Variants in GARNL3 observed in about 807,000 individuals in gnomAD.
GARNL3 encodes GTPase-activating Rap/Ran-GAP domain-like protein 3.
Under a neutral mutation model 125.0 loss-of-function variants are expected in GARNL3, and 63 were observed. The observed-to-expected ratio is 0.50, with a 90% CI of 0.41 to 0.62. The LOEUF is 0.62. Among genes scored for constraint, GARNL3 ranks in the 20% least tolerant of loss-of-function variants. GARNL3 has a pLI of 0.00. For synonymous variants in GARNL3, 439 were observed against 457.5 expected, an observed-to-expected ratio of 0.96 and a Z score of 0.52; for missense variants, 994 against 1,244.0, an observed-to-expected ratio of 0.80 and a Z score of 3.02.
At chr9:127,289,602 C>A (rs2064354091) in intron 1 of GARNL3, among the ~76,000 whole-genome samples, 1 of 152,216 alleles carries the variant, frequency 6.6e-6, no homozygotes, top group Non-Finnish European at 1.5e-5. Context: ...TGGTTGACCA[C>A]CCACGTGGCT....
chr9:127,236,777 A>G (rs149237508), intron 1 of GARNL3, among the ~76,000 whole-genome samples: 85 of 152,300 alleles, frequency 5.6e-4, no homozygotes, highest in Non-Finnish European at 9.6e-4. Context: ...TTGAGCAGAA[A>G]TTCCTAGTGC....
At chr9:127,245,128 G>A (rs1408056604) in intron 2 of GARNL3, among the ~76,000 whole-genome samples, 4 of 152,222 alleles carry the variant, frequency 2.6e-5, no homozygotes, top group Non-Finnish European at 4.4e-5. Context: ...GACGCTCAGC[G>A]CTGGAGCTCC....
intron 7 of GARNL3, among the ~76,000 whole-genome samples, chr9:127,327,679 T>C (rs931477566): frequency 1.3e-5 from 2 of 152,184 alleles, no homozygotes; most frequent in Non-Finnish European, 2.9e-5. Context: ...AACTTCAGGC[T>C]CATACCACCA....
At chr9:127,340,773 G>T (rs549830045) in intron 13 of GARNL3, among the ~76,000 whole-genome samples, 18 of 151,784 alleles carry the variant, frequency 1.2e-4, no homozygotes, top group Non-Finnish European at 2.2e-4. Flanking sequence ...TCCAGTACTG[G>T]CCCAAGCCAG....
intron 14 of GARNL3, among the ~76,000 whole-genome samples, chr9:127,342,637 CT>C (rs2131611814): frequency 6.6e-6 from 1 of 152,124 alleles, no homozygotes; most frequent in Non-Finnish European, 1.5e-5. Flanking sequence ...TTGAAGAGTG[CT>C]TTTTTTGGGG....
intron 22 of GARNL3, among the ~76,000 whole-genome samples, chr9:127,378,513 G>T: frequency 6.7e-6 from 1 of 150,088 alleles, no homozygotes; most frequent in South Asian, 2.1e-4. Context: ...CTTGAACCCA[G>T]GAGGCGGAGG....
intron 2 of GARNL3, among the ~76,000 whole-genome samples, chr9:127,253,743 T>A (rs2063446914): frequency 6.6e-6 from 1 of 151,880 alleles, no homozygotes; most frequent in Admixed American, 6.6e-5. Context: ...TAAGAAAAGA[T>A]GAAGGGTGTA....
intron 1 of GARNL3, among the ~76,000 whole-genome samples, chr9:127,240,529 G>C (rs2131161401): frequency 6.6e-6 from 1 of 152,344 alleles, no homozygotes; most frequent in South Asian, 2.1e-4. Flanking sequence ...TGAGATGTCA[G>C]TTGCCTTGAG....
In GARNL3 at chr9:127,324,923, T is replaced by C. The variant is rs540721191; in HGVS notation, c.568-146T>C. The C allele has an allele frequency of 1.8e-5, 14 of 769,046 alleles. No homozygotes were observed. The Admixed American group carries it at 1.9e-4, about 10-fold the overall frequency. 47.6% of individuals were successfully genotyped at this position (769,046 alleles called of 1,614,324 possible). A position where few individuals can be genotyped will look rare whatever the true frequency, so the allele number is the denominator to read the frequency against. On this transcript the variant is annotated intron_variant, in intron 6 of 27. Transcript: ENST00000373387. ...CACCTTTGTCATAGTTGGGTTTTTT[T>C]CCCCCAAACAAAGCTCCTATAACCA... is the stretch of plus-strand genomic sequence containing the variant.
At chr9:127,260,158 G>A (rs1050483197), upstream of GARNL3, among the ~76,000 whole-genome samples, 13 of 152,206 alleles carry the variant, frequency 8.5e-5, no homozygotes, top group African/African-American at 2.2e-4. Context: ...ACTGAAGTGC[G>A]TGCTCTGAGG....
intron 2 of GARNL3, among the ~76,000 whole-genome samples, chr9:127,292,435 C>T (rs2064450929): frequency 6.6e-6 from 1 of 152,206 alleles, no homozygotes; most frequent in Admixed American, 6.5e-5. Flanking sequence ...GGAGCTAAGC[C>T]AGGCACAGAG....
chr9:127,336,385 TGTATA>T (rs1433474544), intron 11 of GARNL3, 149 bp downstream of exon 11: 39 of 564,846 alleles, frequency 6.9e-5, no homozygotes, highest in Non-Finnish European at 1.0e-4. Context: ...CTAAGCATTG[TGTATA>T]GTTCCCCCTT....
upstream of GARNL3, among the ~76,000 whole-genome samples, chr9:127,259,867 G>A (rs992104140): frequency 6.6e-6 from 1 of 151,572 alleles, no homozygotes; most frequent in Non-Finnish European, 1.5e-5. Flanking sequence ...AGACCCCCCC[G>A]CCCATCTCTA....
At chr9:127,333,619 G>C (rs768642796) in intron 9 of GARNL3, among the ~76,000 whole-genome samples, 9 of 152,092 alleles carry the variant, frequency 5.9e-5, no homozygotes, top group Admixed American at 1.3e-4. Flanking sequence ...CCAGAGGGAG[G>C]GGCGAGTCGG....
At chr9:127,264,757 A>T, upstream of GARNL3, 3 of 1,271,682 alleles carry the variant, frequency 2.4e-6, no homozygotes, top group African/African-American at 1.5e-5. Flanking sequence ...CTTTTTATTG[A>T]GGGCTCCATG....
intron 7 of GARNL3, 83 bp from the exon 8 acceptor site, chr9:127,332,191 G>A: frequency 1.0e-6 from 1 of 974,428 alleles, no homozygotes; most frequent in Non-Finnish European, 1.6e-6. Context: ...CTGCCATTGT[G>A]CTAAGTCACG....
At chr9:127,231,560 G>A (rs76035473) in intron 1 of GARNL3, among the ~76,000 whole-genome samples, 7 of 152,164 alleles carry the variant, frequency 4.6e-5, no homozygotes, top group African/African-American at 1.7e-4. Context: ...TAGTAGGATT[G>A]AATTTGTGAG....
At chr9:127,371,955 G>A (rs865930996) in intron 22 of GARNL3, among the ~76,000 whole-genome samples, 3 of 152,128 alleles carry the variant, frequency 2.0e-5, no homozygotes, top group African/African-American at 7.2e-5. Context: ...TTTTTGAGAA[G>A]GAGTTTAGCT....
intron 1 of GARNL3, among the ~76,000 whole-genome samples, chr9:127,224,957 G>C (rs1456829874): frequency 5.6e-5 from 7 of 125,638 alleles, no homozygotes; most frequent in African/African-American, 3.2e-4. Context: ...GCCTGCTCCG[G>C]GCTGAGGGCG....
Sources: allele counts gnomAD v4.1 joint callset (sites outside exome capture counted in the v4.1 genomes callset), GRCh38; gene constraint gnomAD v4.1.1; transcripts MANE v1.5; gene names NCBI Gene and HGNC (gene_info 2026-07-23, HGNC 2026-07-21).